Variants in MTERF4 observed in about 807,000 individuals in gnomAD.
MTERF4 encodes the protein mitochondrial transcription termination factor 4.
MTERF4 carries 17 observed loss-of-function variants against 22.5 expected under a neutral mutation model. That is an observed-to-expected ratio of 0.75 (90% CI 0.52 to 1.13). The LOEUF is 1.13. MTERF4 is among the 50% of genes most tolerant of loss of function. MTERF4 has a pLI of 0.00. For missense variants in MTERF4, 420 were observed against 466.8 expected (o/e 0.90, Z 0.92); for synonymous variants, 165 against 175.3 (o/e 0.94, Z 0.47).
chr2:241,058,202 G>GTC, the MTERF4 span, among the ~76,000 whole-genome samples: 4 of 152,224 alleles, frequency 2.6e-5, no homozygotes, highest in African/African-American at 9.6e-5. Context: ...ATGAGAGGGT[G>GTC]TCTCTCAATG....
the MTERF4 span, among the ~76,000 whole-genome samples, chr2:241,062,310 A>G: frequency 6.6e-6 from 1 of 152,150 alleles, no homozygotes; most frequent in Non-Finnish European, 1.5e-5. Flanking sequence ...CCATTTATTT[A>G]CTTTTTAAGC....
chr2:241,049,636 C>G, the MTERF4 span, among the ~76,000 whole-genome samples: 1 of 152,294 alleles, frequency 6.6e-6, no homozygotes, highest in East Asian at 1.9e-4. Flanking sequence ...AAGAGAAATT[C>G]CAGGGAGGGG....
At chr2:241,067,759 C>G (rs776034276), downstream of MTERF4, 12 of 1,601,946 alleles carry the variant, frequency 7.5e-6, no homozygotes, top group Non-Finnish European at 9.4e-6. Context: ...GTCCATTCCC[C>G]CTAGGACCCC....
chr2:241,075,203 G>A lies in MTERF4; in HGVS notation n.959C>T, dbSNP rs2062963614. ...GTTTGGTATGAGCAGTGCTGCAGTG[G>A]ATGTTCCTGTACAGGTTTTCCAGTA... On this transcript the variant is annotated non_coding_transcript_exon_variant, in exon 5 of 5. Coordinates refer to the MTERF4 transcript ENST00000464344. The surrounding 1 kb of genome is among the most constrained non-coding windows in gnomAD (Gnocchi z 4.8). 1 of 152,204 alleles carries A rather than the reference G, an allele frequency of 6.6e-6. No homozygotes were observed. The highest frequency in any genetic ancestry group is 6.5e-5 in the Admixed American group (1 of 15,270). The allele number at this position is 152,204 out of a possible 1,614,324, so 9.4% of individuals were successfully genotyped here.
At chr2:241,065,617 C>T in the MTERF4 span, 11 of 1,604,312 alleles carry the variant, frequency 6.9e-6, no homozygotes, top group Non-Finnish European at 8.5e-6. Flanking sequence ...CGAGCCTGGC[C>T]GTCCCTGCCC....
the MTERF4 span, among the ~76,000 whole-genome samples, chr2:241,058,545 C>T: frequency 1.3e-5 from 2 of 152,102 alleles, no homozygotes; most frequent in African/African-American, 4.8e-5. Context: ...TAGATTACAA[C>T]AAAATTAATT....
In MTERF4 at chr2:241,075,996, C is replaced by T. The variant is rs76942604; in HGVS notation, n.480-314G>A. On this transcript the variant is annotated intron_variant and non_coding_transcript_variant, in intron 4 of 4. Transcript: ENST00000464344. The surrounding 1 kb of genome is among the most constrained non-coding windows in gnomAD (Gnocchi z 4.8). ...TCCACATATAAAAGTAGAATTCTGG[C>T]GGCGTCAATTTGATACATCTGTGCC... 0.022 allele frequency among the ~76,000 whole-genome samples: 3,334 copies of T among 152,246 alleles called. 273 individuals carry two copies. Among genetic ancestry groups the T allele is most frequent in the East Asian group, 0.21 (1,104 of 5,180 alleles).
the MTERF4 span, chr2:241,050,144 G>A: frequency 8.1e-6 from 5 of 615,694 alleles, no homozygotes; most frequent in Non-Finnish European, 1.5e-5. Flanking sequence ...AGGCCTGCTG[G>A]TCATTACCTT....
chr2:241,082,911 T>C (rs1307837798), downstream of MTERF4, among the ~76,000 whole-genome samples: 1 of 151,902 alleles, frequency 6.6e-6, no homozygotes, highest in Admixed American at 6.6e-5. Flanking sequence ...GAGCACCTGC[T>C]GTGTGCCGGG....
the MTERF4 span, chr2:241,065,217 G>C: frequency 4.1e-6 from 6 of 1,465,706 alleles, no homozygotes; most frequent in African/African-American, 7.0e-5. Context: ...AGCCAGACCC[G>C]GCTGAGCCGC....
rs975175310 is a variant in MTERF4 at position 241,073,451 on chromosome 2, G to A, written n.2711C>T. 6 of 1,112,000 alleles carry A rather than the reference G, an allele frequency of 5.4e-6. No individual in the cohort carries two copies. The highest frequency in any genetic ancestry group is 2.6e-5 in the East Asian group (1 of 38,786). The allele number at this position is 1,112,000 out of a possible 1,614,324, so 68.9% of individuals were successfully genotyped here. A position where few individuals can be genotyped will look rare whatever the true frequency, so the allele number is the denominator to read the frequency against. ...GCTGCAGGCAGGAGGGACCACCCAC[G>A]GTGAGGAATCAGGAGGCACAGAGCC... On this transcript the variant is annotated non_coding_transcript_exon_variant, in exon 5 of 5. Coordinates refer to the MTERF4 transcript ENST00000464344. This position sits in a 1 kb window ranked among gnomAD's most constrained non-coding sequence, Gnocchi z 6.6.
At position 241,096,647 on chromosome 2, in the gene MTERF4, G is replaced by A. The variant is rs748558263; in HGVS notation, c.706-209C>T. The A allele has an allele frequency of 7.6e-6, 5 of 661,108 alleles. No individual in the cohort carries two copies. In the East Asian group the frequency reaches 1.5e-4, roughly 20 times the overall value. 41.0% of individuals were successfully genotyped at this position (661,108 alleles called of 1,614,324 possible). A position where few individuals can be genotyped will look rare whatever the true frequency, so the allele number is the denominator to read the frequency against. On this transcript the variant is annotated intron_variant, in intron 3 of 3. Coordinates refer to ENST00000391980, the MANE Select transcript of MTERF4 (RefSeq NM_182501.4). The surrounding 1 kb of genome is among the most constrained non-coding windows in gnomAD (Gnocchi z 5.1). ...ATTCATCCTGAGAAACATGGAGCAG[G>A]AAATAAAGGGGTGGGAGGGAAAAGG...
At chr2:241,082,466 T>C (rs1038615682), downstream of MTERF4, 1 of 803,984 alleles carries the variant, frequency 1.2e-6, no homozygotes, top group Non-Finnish European at 2.1e-6. Flanking sequence ...GGAGGGACGA[T>C]GGCTGCAGTC....
chr2:241,069,166 G>A (rs2062594239), downstream of MTERF4: 2 of 617,046 alleles, frequency 3.2e-6, no homozygotes. This position sits in a 1 kb window ranked among gnomAD's most constrained non-coding sequence, Gnocchi z 4.9. Context: ...TCTTCCGCTG[G>A]GGCCACTGGG....
chr2:241,090,825 C>A (rs978713141), downstream of MTERF4, among the ~76,000 whole-genome samples: 1 of 151,216 alleles, frequency 6.6e-6, no homozygotes, highest in Non-Finnish European at 1.5e-5. Flanking sequence ...TGAGATTGCG[C>A]CACTATACTA....
intron 4 of MTERF4, among the ~76,000 whole-genome samples, chr2:241,077,715 G>T (rs1209259182): frequency 6.6e-6 from 1 of 152,192 alleles, no homozygotes; most frequent in Non-Finnish European, 1.5e-5. Flanking sequence ...CTGCAAGGAA[G>T]ATATGCAAAT....
rs1387765517 is a variant in MTERF4, at chr2:241,075,771, C to A, written n.480-89G>T. On this transcript the variant is annotated intron_variant and non_coding_transcript_variant, in intron 4 of 4. Transcript: ENST00000464344. The surrounding 1 kb of genome is among the most constrained non-coding windows in gnomAD (Gnocchi z 4.8). ...CTTTAAAAAATATCCTTCCCCACAC[C>A]AAAGTTAGAAAGTTATTCATGTATA... 1 of 152,006 alleles carries A rather than the reference C, an allele frequency of 6.6e-6. No homozygotes were observed. Among genetic ancestry groups the A allele is most frequent in the Admixed American group, 6.5e-5 (1 of 15,270 alleles). 9.4% of individuals were successfully genotyped at this position (152,006 alleles called of 1,614,324 possible). A position where few individuals can be genotyped will look rare whatever the true frequency, so the allele number is the denominator to read the frequency against.
chr2:241,089,834 G>A (rs530191385), downstream of MTERF4: 5 of 1,365,386 alleles, frequency 3.7e-6, no homozygotes, highest in Non-Finnish European at 4.9e-6. Flanking sequence ...CACCTAGGCT[G>A]TGTGGCAGAG....
At chr2:241,049,917 C>A in the MTERF4 span, 1 of 1,613,482 alleles carries the variant, frequency 6.2e-7, no homozygotes, top group Middle Eastern at 1.6e-4. Context: ...GGTTCCACGG[C>A]AAGCACTGCG....
Sources: allele counts gnomAD v4.1 joint callset (sites outside exome capture counted in the v4.1 genomes callset), GRCh38; gene constraint gnomAD v4.1.1; non-coding constraint Gnocchi (gnomAD v3.1); transcripts MANE v1.5; gene names NCBI Gene and HGNC (gene_info 2026-07-23, HGNC 2026-07-21).